Variants in PVT1 observed in about 807,000 individuals in gnomAD.
PVT1 encodes Pvt1 oncogene, also known as CXCR4/PVT1 fusion.
At chr8:128,095,889 C>G (rs924465555) in intron 5 of PVT1, among the ~76,000 whole-genome samples, 1 of 152,234 alleles carries the variant, frequency 6.6e-6, no homozygotes, top group Non-Finnish European at 1.5e-5. Context: ...CTGCCATGCT[C>G]TTTCGGCATG....
At chr8:127,795,902 A>G (rs954783040) in exon 2 of PVT1, 4 of 170,436 alleles carry the variant, frequency 2.3e-5, no homozygotes, top group African/African-American at 9.6e-5. Context: ...AGGATTTATT[A>G]GGAGAAAAAC....
chr8:127,808,023 C>T (rs1259653770), intron 2 of PVT1, among the ~76,000 whole-genome samples: 1 of 151,938 alleles, frequency 6.6e-6, no homozygotes, highest in East Asian at 1.9e-4. Context: ...CCGCCTCAGC[C>T]TCCCACAGTG....
intron 3 of PVT1, among the ~76,000 whole-genome samples, chr8:127,962,063 C>G (rs1816650185): frequency 6.6e-6 from 1 of 152,254 alleles, no homozygotes; most frequent in Non-Finnish European, 1.5e-5. Context: ...CAACCTCCGC[C>G]TCTGGGGTTC....
At chr8:127,815,056 T>C (rs1483032281) in intron 2 of PVT1, among the ~76,000 whole-genome samples, 2 of 152,154 alleles carry the variant, frequency 1.3e-5, no homozygotes, top group Admixed American at 1.3e-4. Context: ...AACCTCTGCC[T>C]CCCAATTCAA....
chr8:128,055,188 TACAC>T (rs199997120), intron 4 of PVT1, among the ~76,000 whole-genome samples: 1 of 135,258 alleles, frequency 7.4e-6, no homozygotes, highest in South Asian at 2.8e-4. Context: ...CACACCCACA[TACAC>T]ACACATTCTA....
At chr8:127,884,108 T>C (rs1815499127) in intron 2 of PVT1, among the ~76,000 whole-genome samples, 1 of 152,246 alleles carries the variant, frequency 6.6e-6, no homozygotes, top group African/African-American at 2.4e-5. Context: ...AGCCAGCACC[T>C]GGATCAATAG....
At chr8:127,967,370 G>C (rs941651433) in intron 3 of PVT1, among the ~76,000 whole-genome samples, 1 of 152,240 alleles carries the variant, frequency 6.6e-6, no homozygotes. Context: ...TCCCACGAAG[G>C]CTGCGCTCTT....
At chr8:127,811,177 C>A (rs574663609) in intron 2 of PVT1, among the ~76,000 whole-genome samples, 48 of 152,306 alleles carry the variant, frequency 3.2e-4, no homozygotes, top group Non-Finnish European at 4.7e-4. Context: ...CAGCTCCCTC[C>A]TCCCCTGGTC....
rs188800715 is a variant in PVT1 at position 127,941,484 on chromosome 8, C to T, written n.783-47678C>T. ...ATGAAGTGAATGGAGACACGTAAAG[C>T]GCTTAAAATATTATGTAGAGCCATG... On this transcript the variant is annotated intron_variant and non_coding_transcript_variant, in intron 3 of 10. Transcript: ENST00000651587. 4.6e-5 allele frequency among the ~76,000 whole-genome samples: 7 copies of T among 152,262 alleles called. No homozygotes were observed. In the South Asian group the frequency reaches 6.2e-4, roughly 14 times the overall value.
intron 4 of PVT1, among the ~76,000 whole-genome samples, chr8:128,020,842 G>A (rs1341353708): frequency 1.3e-5 from 2 of 152,332 alleles, no homozygotes; most frequent in Non-Finnish European, 2.9e-5. Context: ...TTTCCAGAGC[G>A]TGTTTGCACT....
intron 2 of PVT1, among the ~76,000 whole-genome samples, chr8:127,829,456 C>T (rs554353544): frequency 6.6e-6 from 1 of 152,286 alleles, no homozygotes; most frequent in African/African-American, 2.4e-5. Flanking sequence ...CCCAGAAATC[C>T]TTTCCAACCC....
chr8:127,851,130 TG>T (rs1815103261), intron 2 of PVT1, among the ~76,000 whole-genome samples: 1 of 152,016 alleles, frequency 6.6e-6, no homozygotes, highest in South Asian at 2.1e-4. Context: ...ACAATAAAAC[TG>T]GGGATGAAGG....
At chr8:127,969,638 C>T (rs1257208478) in intron 3 of PVT1, among the ~76,000 whole-genome samples, 1 of 152,184 alleles carries the variant, frequency 6.6e-6, no homozygotes, top group African/African-American at 2.4e-5. Flanking sequence ...TTCCTGAGTA[C>T]TCACTGTGTT....
At chr8:128,038,512 A>T (rs1310963600) in intron 4 of PVT1, among the ~76,000 whole-genome samples, 1 of 152,212 alleles carries the variant, frequency 6.6e-6, no homozygotes, top group African/African-American at 2.4e-5. Flanking sequence ...GAGGTGCGGC[A>T]CGTGAATGGG....
intron 4 of PVT1, among the ~76,000 whole-genome samples, chr8:128,010,920 G>T (rs1817307239): frequency 6.6e-6 from 1 of 152,220 alleles, no homozygotes; most frequent in African/African-American, 2.4e-5. Flanking sequence ...GTCCAAAGAA[G>T]GCAATCAGTC....
intron 5 of PVT1, among the ~76,000 whole-genome samples, chr8:128,081,675 A>G (rs1814181350): frequency 6.6e-6 from 1 of 152,138 alleles, no homozygotes; most frequent in Non-Finnish European, 1.5e-5. Context: ...CTGCTCTTCT[A>G]TGGCTTCCAT....
At chr8:127,962,324 G>GGTT (rs1386694614) in intron 3 of PVT1, among the ~76,000 whole-genome samples, 1 of 152,216 alleles carries the variant, frequency 6.6e-6, no homozygotes, top group Non-Finnish European at 1.5e-5. Flanking sequence ...ACATTTAGGG[G>GGTT]GTTGTTGTTG....
At chr8:127,824,498 G>T (rs527360592) in intron 2 of PVT1, among the ~76,000 whole-genome samples, 1 of 152,120 alleles carries the variant, frequency 6.6e-6, no homozygotes, top group Non-Finnish European at 1.5e-5. Flanking sequence ...AGGAGCGTGG[G>T]TCATCATTTC....
At chr8:127,988,741 C>G (rs1816998313) in intron 3 of PVT1, among the ~76,000 whole-genome samples, 1 of 152,192 alleles carries the variant, frequency 6.6e-6, no homozygotes, top group Non-Finnish European at 1.5e-5. Flanking sequence ...GCTGGGCACC[C>G]AGGGACAGGC....
Sources: allele counts gnomAD v4.1 joint callset (sites outside exome capture counted in the v4.1 genomes callset), GRCh38; gene constraint gnomAD v4.1.1; transcripts MANE v1.5; gene names NCBI Gene and HGNC (gene_info 2026-07-23, HGNC 2026-07-21).